KIFC3: variants seen among roughly 807,000 people sequenced by gnomAD.
KIFC3 encodes kinesin-like protein KIFC3.
In KIFC3, 60 loss-of-function variants were observed where a neutral mutation model predicts 101.8. The observed-to-expected ratio is 0.59, with a 90% CI of 0.48 to 0.73. The LOEUF (loss-of-function observed/expected upper bound fraction) is 0.73, where lower values mean the gene tolerates loss of function less well. KIFC3 is among the 30% of genes least tolerant of loss of function. The probability of loss-of-function intolerance (pLI) is 0.00; values close to 1 mark genes in which losing one functional copy is unlikely to be tolerated. For synonymous variants in KIFC3, 476 were observed against 482.7 expected (o/e 0.99, Z 0.18); for missense variants, 966 against 1,137.1 (o/e 0.85, Z 2.16).
At chr16:57,861,431 G>T (rs1419146490) in intron 1 of KIFC3, among the ~76,000 whole-genome samples, 1 of 152,180 alleles carries the variant, frequency 6.6e-6, no homozygotes, top group African/African-American at 2.4e-5. Flanking sequence ...CTATCTCAAT[G>T]TCTTTCCTTC....
intron 1 of KIFC3, among the ~76,000 whole-genome samples, chr16:57,843,349 A>G (rs915395454): frequency 6.6e-6 from 1 of 152,290 alleles, no homozygotes; most frequent in East Asian, 1.9e-4. Context: ...ACTTCCTGCC[A>G]ACAAGGCCTT....
intron 1 of KIFC3, among the ~76,000 whole-genome samples, chr16:57,834,084 T>G (rs1376315972): frequency 1.3e-5 from 2 of 152,020 alleles, no homozygotes; most frequent in Non-Finnish European, 2.9e-5. Context: ...GGATGGTCTC[T>G]ACCTCCTGAC....
At chr16:57,797,993 G>C (rs1451165082) in intron 2 of KIFC3, 79 bp downstream of exon 2, 1 of 1,548,476 alleles carries the variant, frequency 6.5e-7, no homozygotes, top group Non-Finnish European at 8.7e-7. Context: ...CTTAGGAACC[G>C]GTGAGAAACC....
In KIFC3 at chr16:57,762,222, A is replaced by T. The variant is rs1220838677; in HGVS notation, c.1666T>A (p.Phe556Ile). 1.9e-6 allele frequency: 3 copies of T among 1,606,670 alleles called. No homozygotes were observed. The Admixed American group carries it at 5.1e-5, about 27-fold the overall frequency. Residue 556 changes from phenylalanine (F) to isoleucine (I), a missense_variant, in exon 13 of 20, where the codon TTC becomes ATC. By Grantham distance (21) the Phe-to-Ile change is conservative. Transcript: ENST00000445690. ...GACGCCTTCTCCTGCACCTCGGAGA[A>T]GAGCAGCTGCAGGGCCCGCTGGTTG... is the stretch of plus-strand genomic sequence containing the variant. ...GINQRALQLLFSEVQEKASDW... is the reference protein window; with the variant it reads ...GINQRALQLLISEVQEKASDW...
chr16:57,862,695 C>T, intron 1 of KIFC3: 1 of 939,508 alleles, frequency 1.1e-6, no homozygotes, highest in Non-Finnish European at 1.5e-6. Flanking sequence ...CTCCTCCTCC[C>T]ATTCCCACTG....
intron 1 of KIFC3, among the ~76,000 whole-genome samples, chr16:57,855,433 G>A (rs1185211527): frequency 6.6e-6 from 1 of 151,908 alleles, no homozygotes; most frequent in Non-Finnish European, 1.5e-5. Flanking sequence ...CCAAAAAGGT[G>A]AAAGTTTGGA....
In KIFC3 at chr16:57,771,564, G is replaced by A. The variant is rs782518457; in HGVS notation, c.504C>T (p.Cys168=). 5.6e-6 allele frequency: 9 copies of A among 1,613,248 alleles called. No homozygotes were observed. Among genetic ancestry groups the A allele is most frequent in the Admixed American group, 3.3e-5 (2 of 59,986 alleles). Residue 168 remains cysteine (C), a synonymous_variant, in exon 5 of 20, where the codon TGC becomes TGT. Coordinates refer to ENST00000445690, the MANE Select transcript of KIFC3 (RefSeq NM_001130100.2). ...TCACCTGGCTGTGCTCACAACCTGG[G>A]CAGGGACCTGCTGGCTTTGTGCGCA... The part of the protein sequence containing the change: ...QELRTKPAGP[C]PGCEHSQESA...
At chr16:57,759,005 C>A in intron 19 of KIFC3, 96 bp from the exon 20 acceptor site, 1 of 1,534,936 alleles carries the variant, frequency 6.5e-7, no homozygotes, top group South Asian at 1.2e-5. Context: ...AGCAAAAGCA[C>A]ATAGACAAGC....
Position 57,769,658 on chromosome 16 carries a change from G to A in KIFC3, c.1155C>T (p.Leu385=), listed in dbSNP as rs782194588. The change falls in exon 9 of 20, where the codon CTC becomes CTT. Residue 385 remains leucine, a synonymous_variant. Coordinates refer to ENST00000445690, the MANE Select transcript of KIFC3 (RefSeq NM_001130100.2). The surrounding 1 kb of genome is among the most constrained non-coding windows in gnomAD (Gnocchi z 4.3). ...LRTLTNDYNG[L]KRQVRGFPLL... is the part of the protein sequence containing the mutation. ...GTGGGAAGCCGCGCACCTGCCGCTT[G>A]AGCCCATTGTAGTCGTTGGTGAGGG... The A allele has an allele frequency of 6.2e-7, 1 of 1,611,988 alleles. No individual in the cohort carries two copies. Among genetic ancestry groups the A allele is most frequent in the East Asian group, 2.2e-5 (1 of 44,866 alleles).
chr16:57,859,660 G>A (rs2056252855), intron 1 of KIFC3, among the ~76,000 whole-genome samples: 1 of 152,094 alleles, frequency 6.6e-6, no homozygotes, highest in African/African-American at 2.4e-5. Flanking sequence ...AGTTACAGTG[G>A]GAGGGCAACT....
At chr16:57,801,401 T>A (rs974677734) in intron 1 of KIFC3, among the ~76,000 whole-genome samples, 1 of 152,168 alleles carries the variant, frequency 6.6e-6, no homozygotes, top group Non-Finnish European at 1.5e-5. Flanking sequence ...AACCCTCTGC[T>A]CCCTGGTGCC....
chr16:57,820,520 T>A (rs2055327068), intron 1 of KIFC3, among the ~76,000 whole-genome samples: 1 of 152,148 alleles, frequency 6.6e-6, no homozygotes, highest in South Asian at 2.1e-4. Context: ...ACTGAAGTGA[T>A]CCTCCCACCT....
intron 1 of KIFC3, among the ~76,000 whole-genome samples, chr16:57,801,269 G>C (rs2054707275): frequency 6.6e-6 from 1 of 152,194 alleles, no homozygotes; most frequent in Admixed American, 6.5e-5. Flanking sequence ...CTCAGAGACT[G>C]CAGCAAGCAG....
chr16:57,854,423 T>C (rs1188291872), intron 1 of KIFC3, among the ~76,000 whole-genome samples: 1 of 151,166 alleles, frequency 6.6e-6, no homozygotes, highest in Non-Finnish European at 1.5e-5. Flanking sequence ...AGGTCAGGAG[T>C]TCGAGACCAG....
upstream of KIFC3, among the ~76,000 whole-genome samples, chr16:57,805,239 A>G (rs2054908384): frequency 6.6e-6 from 1 of 152,022 alleles, no homozygotes; most frequent in African/African-American, 2.4e-5. Context: ...CAGCCTCCCA[A>G]AGTGCTGGGA....
intron 3 of KIFC3, chr16:57,785,384 G>A (rs1403077905): frequency 1.2e-6 from 1 of 820,018 alleles, no homozygotes; most frequent in Non-Finnish European, 1.6e-6. Flanking sequence ...TAGCCTGGTG[G>A]GGTCAGGTGC....
chr16:57,788,671 T>G, intron 3 of KIFC3: 1 of 1,289,602 alleles, frequency 7.8e-7, no homozygotes, highest in South Asian at 1.2e-5. Context: ...TCTTCTTTCG[T>G]CCCCTGACTC....
chr16:57,838,035 A>T (rs2044691731), intron 1 of KIFC3, among the ~76,000 whole-genome samples: 1 of 152,138 alleles, frequency 6.6e-6, no homozygotes, highest in African/African-American at 2.4e-5. Context: ...GGGTTAGGGG[A>T]AAAAATATAA....
chr16:57,785,706 T>G (rs1598073849), intron 3 of KIFC3: 4 of 1,142,616 alleles, frequency 3.5e-6, no homozygotes, highest in Non-Finnish European at 4.5e-6. Context: ...GCAGCAGAGG[T>G]CCCACGCTGG....
Sources: gnomAD v4.1 joint callset for allele counts (sites outside exome capture counted in the v4.1 genomes callset) on GRCh38, gnomAD v4.1.1 for gene constraint, Gnocchi (gnomAD v3.1) non-coding constraint, MANE v1.5 for transcripts, NCBI Gene and HGNC (gene_info 2026-07-23, HGNC 2026-07-21) for gene names.